DLG2: variants seen among roughly 807,000 people sequenced by gnomAD.
The protein encoded by DLG2 is discs large MAGUK scaffold protein 2.
DLG2 carries 45 observed loss-of-function variants against 132.5 expected under a neutral mutation model. The observed-to-expected ratio is 0.34, with a 90% CI of 0.27 to 0.44. DLG2 has a LOEUF of 0.44. Ranked by LOEUF, DLG2 falls within the 20% of genes least tolerant of loss-of-function variation. The pLI, the probability that DLG2 is intolerant of heterozygous loss-of-function variation, is 1.00. For synonymous variants in DLG2, 424 were observed against 419.6 expected (o/e 1.01, Z -0.13); for missense variants, 1,045 against 1,196.9 (o/e 0.87, Z 1.87).
chr11:83,907,004 G>GC (rs1369378262), intron 15 of DLG2, among the ~76,000 whole-genome samples: 1 of 152,174 alleles, frequency 6.6e-6, no homozygotes, highest in African/African-American at 2.4e-5. Flanking sequence ...AGAAGGAAGA[G>GC]CCAGTTTCTT....
intron 19 of DLG2, among the ~76,000 whole-genome samples, chr11:83,610,769 CTGATTT>C (rs1203119604): frequency 6.6e-6 from 1 of 152,068 alleles, no homozygotes; most frequent in Non-Finnish European, 1.5e-5. Flanking sequence ...TAAATAGTAT[CTGATTT>C]TATTTATACA....
chr11:85,212,406 G>A (rs2082312400), intron 4 of DLG2, among the ~76,000 whole-genome samples: 1 of 151,938 alleles, frequency 6.6e-6, no homozygotes, highest in African/African-American at 2.4e-5. Context: ...AAAATGAATG[G>A]GTTTGAGTTA....
intron 21 of DLG2, among the ~76,000 whole-genome samples, chr11:83,495,793 T>C (rs2094119231): frequency 1.3e-5 from 2 of 152,158 alleles, no homozygotes; most frequent in Non-Finnish European, 2.9e-5. Flanking sequence ...TGGGAAAGAA[T>C]AAACTTTGAC....
intron 3 of DLG2, among the ~76,000 whole-genome samples, chr11:85,428,367 T>A (rs1313169660): frequency 6.6e-6 from 1 of 152,070 alleles, no homozygotes; most frequent in East Asian, 1.9e-4. Context: ...AATTGACCAC[T>A]TAGTCGGAAG....
intron 7 of DLG2, among the ~76,000 whole-genome samples, chr11:84,515,390 T>C (rs1186931730): frequency 2.0e-5 from 3 of 150,718 alleles, no homozygotes; most frequent in Admixed American, 2.0e-4. Flanking sequence ...AGTGAAGGAA[T>C]GGAAAAAGAT....
At chr11:84,186,776 AT>A (rs2096285112) in intron 8 of DLG2, among the ~76,000 whole-genome samples, 1 of 152,098 alleles carries the variant, frequency 6.6e-6, no homozygotes, top group Non-Finnish European at 1.5e-5. Context: ...ATTTGCCAAA[AT>A]TATCAGCTTC....
chr11:85,502,464 T>C (rs1435656354), intron 3 of DLG2, among the ~76,000 whole-genome samples: 2 of 151,536 alleles, frequency 1.3e-5, no homozygotes, highest in Admixed American at 6.6e-5. Flanking sequence ...TGGAATACTA[T>C]GCAGCCATAA....
intron 3 of DLG2, among the ~76,000 whole-genome samples, chr11:85,290,851 A>G (rs2078849286): frequency 1.3e-5 from 2 of 152,106 alleles, no homozygotes; most frequent in East Asian, 1.9e-4. Context: ...ATTCTGACAC[A>G]GTTAGGTCTT....
chr11:85,454,582 C>T (rs372961395), intron 3 of DLG2, among the ~76,000 whole-genome samples: 3 of 151,978 alleles, frequency 2.0e-5, no homozygotes, highest in African/African-American at 7.2e-5. Flanking sequence ...TTGCTTTTGG[C>T]ATCATTGTCA....
At chr11:83,591,324 AG>A (rs2097183445) in intron 19 of DLG2, among the ~76,000 whole-genome samples, 2 of 128,638 alleles carry the variant, frequency 1.6e-5, no homozygotes, top group Admixed American at 1.7e-4. Flanking sequence ...CTGGGATGCA[AG>A]GCTGGTTCAA....
At chr11:83,654,022 G>T (rs935299373) in intron 18 of DLG2, among the ~76,000 whole-genome samples, 1 of 152,020 alleles carries the variant, frequency 6.6e-6, no homozygotes, top group South Asian at 2.1e-4. Flanking sequence ...GCCTGGCCAA[G>T]AATTTTTTTT....
intron 15 of DLG2, among the ~76,000 whole-genome samples, chr11:83,881,568 G>T (rs952734929): frequency 6.6e-6 from 1 of 152,146 alleles, no homozygotes; most frequent in East Asian, 1.9e-4. Flanking sequence ...ACTGTGCATT[G>T]TGGCAAATCA....
At chr11:85,462,119 T>G (rs1001973197) in intron 3 of DLG2, among the ~76,000 whole-genome samples, 1 of 152,196 alleles carries the variant, frequency 6.6e-6, no homozygotes, top group Non-Finnish European at 1.5e-5. Context: ...TCACGCCAGT[T>G]AGAATGGCAA....
chr11:84,319,717 G>A (rs1265728005), intron 7 of DLG2, among the ~76,000 whole-genome samples: 2 of 152,162 alleles, frequency 1.3e-5, no homozygotes, highest in Non-Finnish European at 2.9e-5. Context: ...AAGGGCCACA[G>A]AATTTCTATT....
intron 6 of DLG2, among the ~76,000 whole-genome samples, chr11:84,537,440 A>G (rs1355670165): frequency 6.6e-6 from 1 of 152,130 alleles, no homozygotes; most frequent in Non-Finnish European, 1.5e-5. Flanking sequence ...TCTCACTCCA[A>G]TAATTATAAA....
intron 4 of DLG2, among the ~76,000 whole-genome samples, chr11:85,248,713 G>A (rs780960532): frequency 9.2e-5 from 14 of 152,046 alleles, no homozygotes; most frequent in Non-Finnish European, 1.8e-4. Flanking sequence ...AATAGGGAAA[G>A]AAATAAGGAA....
intron 19 of DLG2, among the ~76,000 whole-genome samples, chr11:83,550,743 G>T (rs1428649877): frequency 6.6e-6 from 1 of 152,170 alleles, no homozygotes; most frequent in East Asian, 1.9e-4. Flanking sequence ...ACACTTTCAA[G>T]AGCTCTTATG....
chr11:84,456,572 T>C (rs1386031151), intron 7 of DLG2, among the ~76,000 whole-genome samples: 1 of 151,306 alleles, frequency 6.6e-6, no homozygotes, highest in Non-Finnish European at 1.5e-5. Context: ...CATTATCTTC[T>C]CAGGTCTCAT....
intron 6 of DLG2, among the ~76,000 whole-genome samples, chr11:84,951,711 G>T (rs572230500): frequency 1.4e-5 from 2 of 145,680 alleles, no homozygotes; most frequent in African/African-American, 5.1e-5. Context: ...ATACACACAC[G>T]TATATATATA....
Sources: gnomAD v4.1 joint callset for allele counts (sites outside exome capture counted in the v4.1 genomes callset) on GRCh38, gnomAD v4.1.1 for gene constraint, MANE v1.5 for transcripts, NCBI Gene and HGNC (gene_info 2026-07-23, HGNC 2026-07-21) for gene names.